Variants in DNAAF5 observed in about 807,000 individuals in gnomAD.
DNAAF5 encodes the protein dynein axonemal assembly factor 5.
In DNAAF5, 64 loss-of-function variants were observed where a neutral mutation model predicts 75.8. That is an observed-to-expected ratio of 0.84 (90% CI 0.69 to 1.04). The LOEUF (loss-of-function observed/expected upper bound fraction) is 1.04. DNAAF5 is among the 50% of genes least tolerant of loss of function. The pLI is 0.00. For synonymous variants in DNAAF5, 657 were observed against 557.2 expected, an observed-to-expected ratio of 1.18 and a Z score of -2.52; for missense variants, 1,269 against 1,178.5, an observed-to-expected ratio of 1.08 and a Z score of -1.12.
chr7:774,928 G>A, intron 10 of DNAAF5, 78 bp from the exon 11 acceptor site: 1 of 1,280,376 alleles, frequency 7.8e-7, no homozygotes, highest in South Asian at 1.2e-5. Context: ...CTTCCAGGCA[G>A]GAGTGCACGG....
intron 4 of DNAAF5, among the ~76,000 whole-genome samples, chr7:749,449 G>C (rs974867290): frequency 5.3e-5 from 8 of 152,190 alleles, no homozygotes; most frequent in African/African-American, 1.9e-4. Flanking sequence ...AGGGTTCCCT[G>C]TGGATGAACG....
At chr7:743,735 TC>T (rs1387628862) in intron 4 of DNAAF5, among the ~76,000 whole-genome samples, 1 of 150,794 alleles carries the variant, frequency 6.6e-6, no homozygotes, top group African/African-American at 2.4e-5. Flanking sequence ...ACCTCCAACT[TC>T]CAGGTTCAAG....
At chr7:781,677 C>T (rs770720053) in intron 12 of DNAAF5, among the ~76,000 whole-genome samples, 16 of 152,198 alleles carry the variant, frequency 1.1e-4, no homozygotes, top group Non-Finnish European at 1.3e-4. Context: ...GACTTGTTTC[C>T]GCAGCCATTT....
chr7:776,694 G>A (rs545229344), intron 11 of DNAAF5, among the ~76,000 whole-genome samples: 2 of 152,158 alleles, frequency 1.3e-5, no homozygotes, highest in Non-Finnish European at 2.9e-5. Flanking sequence ...TGAAGCCCCC[G>A]AAAAGCAGCA....
chr7:785,804 G>A lies in DNAAF5; in HGVS notation c.*151G>A, dbSNP rs1186110765. ...AGGACACCTGCCCACTCTTTCCCTG[G>A]AATAACAGCCTCTGAGTGGATTCTG... On this transcript the variant is annotated 3_prime_UTR_variant, in exon 13 of 13. Coordinates refer to ENST00000297440, the MANE Select transcript of DNAAF5 (RefSeq NM_017802.4). 1.3e-6 allele frequency: 1 copy of A among 795,320 alleles called. No individual in the cohort carries two copies. Among genetic ancestry groups the A allele is most frequent in the African/African-American group, 1.7e-5 (1 of 57,482 alleles). 49.3% of individuals were successfully genotyped at this position (795,320 alleles called of 1,614,324 possible). A position where few individuals can be genotyped will look rare whatever the true frequency, so the allele number is the denominator to read the frequency against.
chr7:767,405 A>G (rs1050148749), intron 8 of DNAAF5, among the ~76,000 whole-genome samples: 1 of 152,216 alleles, frequency 6.6e-6, no homozygotes, highest in African/African-American at 2.4e-5. Context: ...TTCATCCAGC[A>G]ATCACATTCA....
chr7:782,164 C>G (rs9648154), intron 12 of DNAAF5, among the ~76,000 whole-genome samples: 1 of 151,948 alleles, frequency 6.6e-6, no homozygotes, highest in Admixed American at 6.5e-5. Context: ...ATCTTCGCGG[C>G]GTGGCCGCCT....
In DNAAF5 at chr7:770,527, C is replaced by T. The variant is rs1450667641; in HGVS notation, c.1840C>T (p.Gln614Ter). 8.1e-6 allele frequency: 13 copies of T among 1,613,900 alleles called. No homozygotes were observed. The highest frequency in any genetic ancestry group is 1.0e-5 in the Non-Finnish European group (12 of 1,179,978). The change falls in exon 9 of 13, where the codon CAG becomes TAG. Residue 614 changes from glutamine (Q) to a stop codon, truncating the protein, a stop_gained. Coordinates refer to ENST00000297440, the MANE Select transcript of DNAAF5 (RefSeq NM_017802.4). LOFTEE classifies it high-confidence loss of function. ...HVVPTLRACL[Q>*]PSQDPQMRLK... ...CGTGCCCACGCTGAGGGCCTGTCTG[C>T]AGCCCTCCCAAGACCCGCAGATGCG...
In DNAAF5 at chr7:726,805, C is replaced by G; in HGVS notation, c.85C>G (p.Arg29Gly). The G allele has an allele frequency of 7.6e-7, 1 of 1,313,968 alleles. No individual in the cohort carries two copies. Among genetic ancestry groups the G allele is most frequent in the Non-Finnish European group, 9.7e-7 (1 of 1,035,584 alleles). 81.4% of individuals were successfully genotyped at this position (1,313,968 alleles called of 1,614,324 possible). A position where few individuals can be genotyped will look rare whatever the true frequency, so the allele number is the denominator to read the frequency against. Residue 29 changes from arginine to glycine, a missense_variant, in exon 1 of 13, where the codon CGC becomes GGC. Transcript: ENST00000297440. Reference sequence around the variant, plus strand: ...GACGGCTGAGGCGGTGGAGCTGAGCCGCGCCCTGAGCCGCCTGCTGCCGGG... The same window carrying G: ...GACGGCTGAGGCGGTGGAGCTGAGCGGCGCCCTGAGCCGCCTGCTGCCGGG... ...AETAEAVELS[R>G]ALSRLLPGLE...
chr7:773,370 C>G (rs191169989), intron 9 of DNAAF5, among the ~76,000 whole-genome samples: 153 of 152,286 alleles, frequency 1.0e-3, no homozygotes, highest in Non-Finnish European at 1.8e-3. Flanking sequence ...GTCTTGGAGA[C>G]CAGAGCCACC....
At chr7:765,568 T>C (rs917910946) in intron 8 of DNAAF5, among the ~76,000 whole-genome samples, 1 of 152,214 alleles carries the variant, frequency 6.6e-6, no homozygotes, top group African/African-American at 2.4e-5. Flanking sequence ...GCATTTCTTA[T>C]GGTGTTGGCG....
Position 729,657 on chromosome 7 carries a change from C to A in DNAAF5, c.596-6C>A, listed in dbSNP as rs779928825. On this transcript the variant is annotated splice_region_variant and splice_polypyrimidine_tract_variant and intron_variant, in intron 1 of 12. Transcript: ENST00000297440. ...TCTGGTAACTGGGGGCCTCCCTGTCCCTCAGACCACTTCCACATGCAGTCG... is the reference window on the plus strand; with the variant it reads ...TCTGGTAACTGGGGGCCTCCCTGTCACTCAGACCACTTCCACATGCAGTCG... 2 of 1,612,822 alleles carry A rather than the reference C, an allele frequency of 1.2e-6. No individual in the cohort carries two copies. Among genetic ancestry groups the A allele is most frequent in the Admixed American group, 3.3e-5 (2 of 59,978 alleles).
chr7:737,719 C>T (rs1781780638), intron 2 of DNAAF5, among the ~76,000 whole-genome samples: 1 of 152,216 alleles, frequency 6.6e-6, no homozygotes, highest in Non-Finnish European at 1.5e-5. Context: ...TCCTTCAGCA[C>T]TTTAAATATG....
Position 740,859 on chromosome 7 carries a change from T to C in DNAAF5, c.821T>C (p.Leu274Pro), listed in dbSNP as rs1583482229. Reference protein sequence around the residue: ...AVASVVGGWLLCLRDRYSFFH... With the variant: ...AVASVVGGWLPCLRDRYSFFH... ...GCCTCCGTGGTGGGCGGCTGGCTGC[T>C]GTGTCTGCGTGACCGTTACTCCTTC... Residue 274 changes from leucine to proline, a missense_variant, in exon 3 of 13, where the codon CTG becomes CCG. Coordinates refer to ENST00000297440, the MANE Select transcript of DNAAF5 (RefSeq NM_017802.4). 1.2e-6 allele frequency: 2 copies of C among 1,614,054 alleles called. No homozygotes were observed. Among genetic ancestry groups the C allele is most frequent in the Non-Finnish European group, 1.7e-6 (2 of 1,180,032 alleles).
chr7:760,304 G>T (rs972787203), intron 6 of DNAAF5, among the ~76,000 whole-genome samples: 8 of 152,318 alleles, frequency 5.3e-5, no homozygotes, highest in Non-Finnish European at 1.0e-4. Context: ...CCAACCCATT[G>T]TCTAGCCAAA....
At chr7:782,812 C>T (rs1172192283) in intron 12 of DNAAF5, among the ~76,000 whole-genome samples, 3 of 151,570 alleles carry the variant, frequency 2.0e-5, no homozygotes, top group African/African-American at 7.3e-5. Context: ...ACTCGGTCTT[C>T]CTGCCATGGC....
At chr7:745,480 A>G (rs968678072) in intron 4 of DNAAF5, among the ~76,000 whole-genome samples, 1 of 152,262 alleles carries the variant, frequency 6.6e-6, no homozygotes, top group Admixed American at 6.5e-5. Context: ...ACACCTGTGC[A>G]CACATGTACA....
At chr7:761,162 A>G (rs1317209610) in intron 6 of DNAAF5, among the ~76,000 whole-genome samples, 1 of 152,254 alleles carries the variant, frequency 6.6e-6, no homozygotes, top group African/African-American at 2.4e-5. Flanking sequence ...AAATAAGCAC[A>G]GATTCCTTAG....
chr7:740,778 C>T (rs780484292), intron 2 of DNAAF5, 41 bp from the exon 3 acceptor site: 4 of 1,610,120 alleles, frequency 2.5e-6, no homozygotes, highest in Non-Finnish European at 3.4e-6. Flanking sequence ...CCGGCATCCC[C>T]TTTGCCTACA....
Sources: gnomAD v4.1 joint callset for allele counts (sites outside exome capture counted in the v4.1 genomes callset) on GRCh38, gnomAD v4.1.1 for gene constraint, MANE v1.5 for transcripts, NCBI Gene and HGNC (gene_info 2026-07-23, HGNC 2026-07-21) for gene names.